Variants in STK10 observed in about 807,000 individuals in gnomAD.
STK10 encodes the protein serine/threonine-protein kinase 10.
STK10 carries 78 observed loss-of-function variants against 113.8 expected under a neutral mutation model. The observed-to-expected ratio is 0.69, with a 90% CI of 0.57 to 0.83. The LOEUF (loss-of-function observed/expected upper bound fraction) is 0.83, where lower values mean the gene tolerates loss of function less well. Among genes scored for constraint, STK10 ranks in the 40% least tolerant of loss-of-function variants. The pLI is 0.00. For missense variants in STK10, 1,109 were observed against 1,280.1 expected (o/e 0.87, Z 2.04); for synonymous variants, 465 against 494.7 (o/e 0.94, Z 0.80).
Position 172,120,267 on chromosome 5 carries a change from G to C in STK10, c.371-2637C>G, listed in dbSNP as rs1769483782. Among the ~76,000 whole-genome samples, 1 of 152,160 alleles carries C rather than the reference G, an allele frequency of 6.6e-6. No homozygotes were observed. Among genetic ancestry groups the C allele is most frequent in the Admixed American group, 6.5e-5 (1 of 15,276 alleles). On this transcript the variant is annotated intron_variant, in intron 3 of 18. Transcript: ENST00000176763. The surrounding 1 kb of genome is among the most constrained non-coding windows in gnomAD (Gnocchi z 4.0). ...CCTCTGCCTACAACAGCACTGCTGT[G>C]TCCGGCTTGCCTAGTGGTGCCTGGA...
intron 2 of STK10, among the ~76,000 whole-genome samples, chr5:172,140,489 G>A (rs1029904921): frequency 6.6e-6 from 1 of 152,212 alleles, no homozygotes; most frequent in African/African-American, 2.4e-5. Context: ...CTGGGGTCAG[G>A]AGTTCGAGAC....
At chr5:172,071,947 T>C (rs754931414) in intron 12 of STK10, among the ~76,000 whole-genome samples, 6 of 152,246 alleles carry the variant, frequency 3.9e-5, no homozygotes, top group Admixed American at 6.5e-5. Flanking sequence ...CAAAACCAGA[T>C]AGACATCACA....
chr5:172,105,959 C>T (rs1034206242), intron 6 of STK10, among the ~76,000 whole-genome samples: 7 of 152,190 alleles, frequency 4.6e-5, no homozygotes, highest in Admixed American at 3.3e-4. Flanking sequence ...GCCCAGGCCA[C>T]GCAGTGAGGA....
chr5:172,165,317 G>T (rs1770549212), intron 1 of STK10, among the ~76,000 whole-genome samples: 1 of 152,236 alleles, frequency 6.6e-6, no homozygotes, highest in East Asian at 1.9e-4. Context: ...AGGAAGCTGA[G>T]TCCACCAAGG....
intron 7 of STK10, among the ~76,000 whole-genome samples, chr5:172,104,843 G>A (rs1769062554): frequency 6.6e-6 from 1 of 152,166 alleles, no homozygotes; most frequent in South Asian, 2.1e-4. Flanking sequence ...GTCTGTGCCA[G>A]GCAGGGGGTG....
intron 2 of STK10, among the ~76,000 whole-genome samples, chr5:172,135,993 C>T (rs575963032): frequency 6.6e-6 from 1 of 152,026 alleles, no homozygotes; most frequent in Admixed American, 6.5e-5. Flanking sequence ...CACCACTGCA[C>T]TCCAGCCTAG....
At chr5:172,059,055 C>G (rs1455131951) in intron 14 of STK10, among the ~76,000 whole-genome samples, 2 of 148,200 alleles carry the variant, frequency 1.3e-5, no homozygotes, top group Non-Finnish European at 3.0e-5. Context: ...GACCCCGTCT[C>G]TACTAAAAAT....
intron 2 of STK10, among the ~76,000 whole-genome samples, chr5:172,140,754 C>A (rs1769956279): frequency 6.6e-6 from 1 of 151,948 alleles, no homozygotes; most frequent in African/African-American, 2.4e-5. Context: ...ATCCAGCAAT[C>A]CCACTTCTGG....
At chr5:172,102,681 A>C (rs558841599) in intron 7 of STK10, among the ~76,000 whole-genome samples, 1 of 152,162 alleles carries the variant, frequency 6.6e-6, no homozygotes, top group Non-Finnish European at 1.5e-5. Flanking sequence ...AGTGAGACCA[A>C]CACCAAGGCT....
intron 13 of STK10, among the ~76,000 whole-genome samples, chr5:172,062,623 C>T (rs919723429): frequency 2.0e-5 from 3 of 152,178 alleles, no homozygotes; most frequent in South Asian, 2.1e-4. Flanking sequence ...GAGGACATTA[C>T]GCTAAGTGAA....
intron 1 of STK10, among the ~76,000 whole-genome samples, chr5:172,170,071 G>C (rs1466980187): frequency 1.4e-5 from 2 of 146,718 alleles, no homozygotes; most frequent in African/African-American, 2.5e-5. Context: ...TGTTTATTTT[G>C]TTCACCAATG....
intron 1 of STK10, among the ~76,000 whole-genome samples, chr5:172,157,054 G>A (rs1770362992): frequency 6.6e-6 from 1 of 152,090 alleles, no homozygotes; most frequent in Non-Finnish European, 1.5e-5. Flanking sequence ...CTGTTGATTT[G>A]TTCAGTAAAA....
intron 9 of STK10, among the ~76,000 whole-genome samples, chr5:172,091,155 T>C (rs10039948): frequency 0.21 from 32,323 of 151,808 alleles, 4,847 homozygotes; most frequent in African/African-American, 0.43. Context: ...ACTCCCGGCC[T>C]GTGTTCCATG....
At chr5:172,141,306 G>C (rs1398034058) in intron 2 of STK10, among the ~76,000 whole-genome samples, 1 of 152,228 alleles carries the variant, frequency 6.6e-6, no homozygotes, top group Non-Finnish European at 1.5e-5. Flanking sequence ...GCCAGGCGCG[G>C]TGGCTCATGC....
chr5:172,147,981 G>A (rs2113807728), intron 2 of STK10, among the ~76,000 whole-genome samples: 1 of 152,298 alleles, frequency 6.6e-6, no homozygotes, highest in South Asian at 2.1e-4. Flanking sequence ...TAGCCTGTGG[G>A]CGTGGTTCAC....
At chr5:172,170,753 T>G (rs17074388) in intron 1 of STK10, among the ~76,000 whole-genome samples, 29,635 of 152,142 alleles carry the variant, frequency 0.19, 3,004 homozygotes, top group Middle Eastern at 0.25. Flanking sequence ...AGATGTTAGC[T>G]CTCCAAAACC....
Position 172,090,935 on chromosome 5 carries a change from T to TAAA in STK10, c.1555-576_1555-574dup, listed in dbSNP as rs547251159. Among the ~76,000 whole-genome samples, 49 of 46,136 alleles carry TAAA rather than the reference T, an allele frequency of 1.1e-3. 3 individuals carry two copies. Among genetic ancestry groups the TAAA allele is most frequent in the Admixed American group, 2.8e-3 (9 of 3,232 alleles). 30.3% of individuals were successfully genotyped at this position (46,136 alleles called of 152,430 possible). A position where few individuals can be genotyped will look rare whatever the true frequency, so the allele number is the denominator to read the frequency against. ...GGGCCATACAGCTAGACTCCGTCTC[T>TAAA]AAAAAAAAAAAAAAAAAAAAAAAAA... On this transcript the variant is annotated intron_variant, in intron 9 of 18. Coordinates refer to ENST00000176763, the MANE Select transcript of STK10 (RefSeq NM_005990.4).
intron 2 of STK10, among the ~76,000 whole-genome samples, chr5:172,151,635 C>T (rs1380791887): frequency 6.6e-6 from 1 of 152,186 alleles, no homozygotes; most frequent in Non-Finnish European, 1.5e-5. Context: ...TGAGCCACTG[C>T]GCCCGGCCCA....
In STK10 at chr5:172,101,677, G is replaced by T. The variant is rs114487970; in HGVS notation, c.870+3979C>A. Among the ~76,000 whole-genome samples the T allele has an allele frequency of 2.6e-5, 4 of 152,306 alleles. No individual in the cohort carries two copies. In the East Asian group the frequency reaches 7.7e-4, roughly 29 times the overall value. ...CCATGTGCCATGGAAGAAGGAAGAA[G>T]TAGGGCAGGGAAAGGGGACTGGGAA... On this transcript the variant is annotated intron_variant, in intron 7 of 18. Coordinates refer to ENST00000176763, the MANE Select transcript of STK10 (RefSeq NM_005990.4).
Sources: allele counts gnomAD v4.1 joint callset (sites outside exome capture counted in the v4.1 genomes callset), GRCh38; gene constraint gnomAD v4.1.1; non-coding constraint Gnocchi (gnomAD v3.1); transcripts MANE v1.5; gene names NCBI Gene and HGNC (gene_info 2026-07-23, HGNC 2026-07-21).